The following SASH1 variants were observed in gnomAD, a reference collection of about 807,000 sequenced individuals.
SASH1 encodes SAM and SH3 domain-containing protein 1.
A neutral mutation model predicts 125.2 loss-of-function variants in SASH1; 44 were observed. The ratio of observed to expected loss-of-function variants is 0.35; its 90% confidence interval spans 0.28 to 0.45. The LOEUF (loss-of-function observed/expected upper bound fraction) is 0.45. Ranked by LOEUF, SASH1 falls within the 20% of genes least tolerant of loss-of-function variation. The pLI is 1.00. For missense variants in SASH1, 1,426 were observed against 1,614.5 expected, an observed-to-expected ratio of 0.88 and a Z score of 2.00; for synonymous variants, 639 against 649.1, an observed-to-expected ratio of 0.98 and a Z score of 0.24.
At chr6:148,278,064 G>A (rs1017939712) in intron 1 of SASH1, among the ~76,000 whole-genome samples, 6 of 147,592 alleles carry the variant, frequency 4.1e-5, no homozygotes, top group Admixed American at 1.4e-4. Context: ...TTTTTGAGAC[G>A]GAGTCTCGCT....
At chr6:148,399,474 C>T (rs189599675) in intron 2 of SASH1, among the ~76,000 whole-genome samples, 173 of 152,108 alleles carry the variant, frequency 1.1e-3, no homozygotes, top group Admixed American at 5.0e-3. Flanking sequence ...GAGCCACCCG[C>T]GTCAGCCCCC....
chr6:148,363,886 T>G (rs947976205), intron 1 of SASH1, among the ~76,000 whole-genome samples: 1 of 152,138 alleles, frequency 6.6e-6, no homozygotes, highest in East Asian at 1.9e-4. Flanking sequence ...AAACCACTTA[T>G]AGGATATTTT....
chr6:148,336,176 C>CTTTT lies in SASH1; in HGVS notation n.75-53936_75-53933dup, dbSNP rs61290611. On this transcript the variant is annotated intron_variant and non_coding_transcript_variant, in intron 1 of 3. Transcript: ENST00000367469. The stretch of plus-strand genomic sequence containing the variant: ...GTGCTTTCTATTATGAAACTGCATC[C>CTTTT]TTTTTTTTTTTTTTTTTTTTTTTTT... Among the ~76,000 whole-genome samples the CTTTT allele has an allele frequency of 4.2e-3, 296 of 70,764 alleles. 5 individuals carry two copies. Among genetic ancestry groups the CTTTT allele is most frequent in the East Asian group, 0.017 (34 of 1,986 alleles). 46.4% of individuals were successfully genotyped at this position (70,764 alleles called of 152,430 possible). A position where few individuals can be genotyped will look rare whatever the true frequency, so the allele number is the denominator to read the frequency against.
At position 148,550,943 on chromosome 6, in the gene SASH1, C is replaced by T. The variant is rs1464847267; in HGVS notation, c.*2385C>T. ...GAAGGATTTTCATTTCAGTGAAAGTCGCAGCAGAAGAGGGAACTTTCTGGA... is the reference window on the plus strand; with the variant it reads ...GAAGGATTTTCATTTCAGTGAAAGTTGCAGCAGAAGAGGGAACTTTCTGGA... On this transcript the variant is annotated 3_prime_UTR_variant, in exon 20 of 20. Coordinates refer to ENST00000367467, the MANE Select transcript of SASH1 (RefSeq NM_015278.5). 2.0e-5 allele frequency: 3 copies of T among 152,518 alleles called. No homozygotes were observed. The highest frequency in any genetic ancestry group is 3.8e-4 in the East Asian group (2 of 5,198). The allele number at this position is 152,518 out of a possible 1,614,324, so 9.4% of individuals were successfully genotyped here. A position where few individuals can be genotyped will look rare whatever the true frequency, so the allele number is the denominator to read the frequency against.
At chr6:148,290,752 C>G (rs1353044145) in intron 1 of SASH1, among the ~76,000 whole-genome samples, 1 of 148,624 alleles carries the variant, frequency 6.7e-6, no homozygotes, top group Non-Finnish European at 1.5e-5. Context: ...CGGCAGGGCC[C>G]TCTGCCTGGG....
intron 1 of SASH1, among the ~76,000 whole-genome samples, chr6:148,372,970 A>AGGG (rs1782756614): frequency 6.6e-6 from 1 of 151,978 alleles, no homozygotes; most frequent in Non-Finnish European, 1.5e-5. Context: ...CGAGGTGGGC[A>AGGG]GATCACCTGA....
intron 1 of SASH1, among the ~76,000 whole-genome samples, chr6:148,382,924 C>T (rs1021061214): frequency 4.6e-5 from 7 of 152,202 alleles, no homozygotes; most frequent in African/African-American, 1.7e-4. Context: ...CTAATACGTC[C>T]CTCTGGCATA....
chr6:148,347,549 A>T (rs1329774909), intron 1 of SASH1, among the ~76,000 whole-genome samples: 2 of 152,184 alleles, frequency 1.3e-5, no homozygotes, highest in Admixed American at 6.5e-5. Context: ...TTGTTGTTTT[A>T]GGCCCAGTGT....
intron 1 of SASH1, among the ~76,000 whole-genome samples, chr6:148,287,403 T>C (rs1779508095): frequency 6.6e-6 from 1 of 152,128 alleles, no homozygotes; most frequent in Non-Finnish European, 1.5e-5. Flanking sequence ...CTGCTCTCTC[T>C]CCTTCAAGGT....
intron 1 of SASH1, among the ~76,000 whole-genome samples, chr6:148,295,988 T>C (rs1263711767): frequency 3.9e-5 from 6 of 152,274 alleles, no homozygotes; most frequent in African/African-American, 7.2e-5. Flanking sequence ...ACTTCTTATA[T>C]GTATTGACTT....
chr6:148,203,681 C>A, the SASH1 span, among the ~76,000 whole-genome samples: 1 of 152,138 alleles, frequency 6.6e-6, no homozygotes, highest in Non-Finnish European at 1.5e-5. Context: ...ATTCATAATC[C>A]AAACAGTAGC....
chr6:148,491,969 A>G (rs563984198), intron 8 of SASH1, among the ~76,000 whole-genome samples: 1 of 152,312 alleles, frequency 6.6e-6, no homozygotes, highest in African/African-American at 2.4e-5. Flanking sequence ...TAAATCACGA[A>G]CCTAAAGGAT....
intron 1 of SASH1, among the ~76,000 whole-genome samples, chr6:148,327,917 G>A (rs1486626653): frequency 6.7e-6 from 1 of 148,452 alleles, no homozygotes; most frequent in East Asian, 2.0e-4. Context: ...CTCCAGCCTG[G>A]GTGACAGAGC....
chr6:148,350,667 C>G (rs556809774), intron 1 of SASH1, among the ~76,000 whole-genome samples: 1 of 152,290 alleles, frequency 6.6e-6, no homozygotes, highest in East Asian at 1.9e-4. Flanking sequence ...ATGTGCCTAC[C>G]TGTGGTTGAC....
intron 1 of SASH1, among the ~76,000 whole-genome samples, chr6:148,355,682 G>A (rs754311386): frequency 1.5e-4 from 23 of 152,132 alleles, no homozygotes; most frequent in African/African-American, 5.6e-4. Context: ...ATAGAGACCA[G>A]GAGGGGAGAC....
At chr6:148,209,208 T>C in the SASH1 span, among the ~76,000 whole-genome samples, 12 of 152,336 alleles carry the variant, frequency 7.9e-5, no homozygotes, top group Admixed American at 2.6e-4. Context: ...TGATTCAAGA[T>C]GAAATGACAA....
upstream of SASH1, among the ~76,000 whole-genome samples, chr6:148,269,635 G>T (rs996071138): frequency 1.3e-5 from 2 of 152,084 alleles, no homozygotes; most frequent in Admixed American, 1.3e-4. Flanking sequence ...TGATTGCATT[G>T]TTAGATTGCA....
At chr6:148,385,863 A>T (rs1004573681) in intron 1 of SASH1, among the ~76,000 whole-genome samples, 4 of 152,138 alleles carry the variant, frequency 2.6e-5, no homozygotes, top group African/African-American at 9.7e-5. Flanking sequence ...TCCTTTGTGA[A>T]TTCTTTCAAA....
the SASH1 span, among the ~76,000 whole-genome samples, chr6:148,223,907 G>A: frequency 6.6e-6 from 1 of 152,176 alleles, no homozygotes; most frequent in Non-Finnish European, 1.5e-5. Flanking sequence ...TTGGAATTGA[G>A]AACATCCATA....
Sources: gnomAD v4.1 joint callset for allele counts (sites outside exome capture counted in the v4.1 genomes callset) on GRCh38, gnomAD v4.1.1 for gene constraint, MANE v1.5 for transcripts, NCBI Gene and HGNC (gene_info 2026-07-23, HGNC 2026-07-21) for gene names.